Variants in GREB1L observed in about 807,000 individuals in gnomAD.
GREB1L encodes the protein GREB1-like protein.
Under a neutral mutation model 200.8 loss-of-function variants are expected in GREB1L, and 17 were observed. The observed-to-expected ratio is 0.08, with a 90% CI of 0.06 to 0.13. The LOEUF (loss-of-function observed/expected upper bound fraction) is 0.13, where lower values mean the gene tolerates loss of function less well. Among genes scored for constraint, GREB1L ranks in the 10% least tolerant of loss-of-function variants. GREB1L has a pLI of 1.00. For missense variants in GREB1L, 1,657 were observed against 2,367.7 expected, an observed-to-expected ratio of 0.70 and a Z score of 6.23; for synonymous variants, 789 against 893.0, an observed-to-expected ratio of 0.88 and a Z score of 2.08.
rs148633855 is a variant in GREB1L, at chr18:21,406,685, A to T, written c.832+2691A>T. Reference sequence around the variant, plus strand: ...TGTTTTCTCCCTAATCTTAATCTGCAGTCAGTGACTGTCTGTAATCAACAG... The same window carrying T: ...TGTTTTCTCCCTAATCTTAATCTGCTGTCAGTGACTGTCTGTAATCAACAG... On this transcript the variant is annotated intron_variant, in intron 7 of 32. Transcript: ENST00000424526. Among the ~76,000 whole-genome samples, 3 of 152,322 alleles carry T rather than the reference A, an allele frequency of 2.0e-5. No homozygotes were observed. In the East Asian group the frequency reaches 5.8e-4, roughly 29 times the overall value.
At chr18:21,298,795 A>G (rs1449970029) in intron 1 of GREB1L, among the ~76,000 whole-genome samples, 3 of 152,078 alleles carry the variant, frequency 2.0e-5, no homozygotes, top group Non-Finnish European at 4.4e-5. Flanking sequence ...TTAGCTGGGT[A>G]TGGTGGCGCA....
At position 21,524,578 on chromosome 18, in the gene GREB1L, C is replaced by G. The variant is rs2037653514; in HGVS notation, c.*1757C>G. On this transcript the variant is annotated 3_prime_UTR_variant, in exon 33 of 33. Transcript: ENST00000424526. Reference sequence around the variant, plus strand: ...CTAATGCAAATAATACCAAGAAACCCACTGTCTGTGCAATATTCCAATAAC... The same window carrying G: ...CTAATGCAAATAATACCAAGAAACCGACTGTCTGTGCAATATTCCAATAAC... 6.6e-6 allele frequency: 1 copy of G among 152,106 alleles called. No individual in the cohort carries two copies. Among genetic ancestry groups the G allele is most frequent in the Admixed American group, 6.6e-5 (1 of 15,258 alleles). The allele number at this position is 152,106 out of a possible 1,614,324, so 9.4% of individuals were successfully genotyped here. A position where few individuals can be genotyped will look rare whatever the true frequency, so the allele number is the denominator to read the frequency against.
At chr18:21,497,008 G>T (rs769539163) in intron 21 of GREB1L, among the ~76,000 whole-genome samples, 9 of 152,166 alleles carry the variant, frequency 5.9e-5, no homozygotes, top group Non-Finnish European at 1.0e-4. Flanking sequence ...TGGTTATTAT[G>T]CATCTCATAT....
chr18:21,490,361 G>A lies in GREB1L; in HGVS notation c.3030+10G>A, dbSNP rs1279887329. The A allele has an allele frequency of 3.9e-6, 6 of 1,542,432 alleles. No individual in the cohort carries two copies. The highest frequency in any genetic ancestry group is 5.3e-6 in the Non-Finnish European group (6 of 1,139,640). On this transcript the variant is annotated intron_variant, in intron 19 of 32. Coordinates refer to ENST00000424526, the MANE Select transcript of GREB1L (RefSeq NM_001142966.3). ...TGTGGCGCGATTAAAGGTTAGCAATGGACAGACATTTCTCCTTTAAAATAC... is the reference window on the plus strand; with the variant it reads ...TGTGGCGCGATTAAAGGTTAGCAATAGACAGACATTTCTCCTTTAAAATAC...
intron 1 of GREB1L, among the ~76,000 whole-genome samples, chr18:21,315,946 T>TC (rs2038861498): frequency 6.6e-6 from 1 of 151,800 alleles, no homozygotes; most frequent in Non-Finnish European, 1.5e-5. Flanking sequence ...GACCCGACCC[T>TC]CCCCCCTGTG....
intron 17 of GREB1L, among the ~76,000 whole-genome samples, chr18:21,477,854 A>T (rs969578199): frequency 9.2e-5 from 14 of 152,118 alleles, no homozygotes; most frequent in Non-Finnish European, 1.3e-4. Flanking sequence ...TTTAACAATT[A>T]TTATAAGACT....
chr18:21,301,385 C>T (rs2038614981), intron 1 of GREB1L, among the ~76,000 whole-genome samples: 1 of 152,178 alleles, frequency 6.6e-6, no homozygotes, highest in Admixed American at 6.5e-5. Flanking sequence ...CATTTTAGTT[C>T]CTACCAGATT....
intron 15 of GREB1L, among the ~76,000 whole-genome samples, chr18:21,466,711 A>G (rs1282378840): frequency 2.0e-5 from 3 of 152,166 alleles, no homozygotes; most frequent in Non-Finnish European, 4.4e-5. Flanking sequence ...TGCATCCCCT[A>G]CCAAAATCCC....
intron 7 of GREB1L, among the ~76,000 whole-genome samples, chr18:21,426,686 C>T (rs1341220254): frequency 1.3e-5 from 2 of 152,054 alleles, no homozygotes; most frequent in African/African-American, 2.4e-5. Flanking sequence ...TGTCCAGATG[C>T]GGTGGCTCAC....
chr18:21,386,066 TATC>T (rs1173560669), intron 4 of GREB1L, among the ~76,000 whole-genome samples: 2 of 152,180 alleles, frequency 1.3e-5, no homozygotes, highest in South Asian at 2.1e-4. Flanking sequence ...GGAAGGGTAA[TATC>T]ATTTTAAAGA....
At chr18:21,402,899 ATATT>A (rs2041377203) in intron 6 of GREB1L, among the ~76,000 whole-genome samples, 1 of 151,180 alleles carries the variant, frequency 6.6e-6, no homozygotes, top group South Asian at 2.1e-4. Context: ...AGCTGAAATT[ATATT>A]TATTTATATA....
chr18:21,396,384 A>G (rs565588164), intron 5 of GREB1L, among the ~76,000 whole-genome samples: 1 of 152,334 alleles, frequency 6.6e-6, no homozygotes, highest in Non-Finnish European at 1.5e-5. Context: ...TAGCTTAATT[A>G]AATGACTTTT....
At position 21,399,025 on chromosome 18, in the gene GREB1L, G is replaced by GATTCTCTCCTTTGCAGATT. The variant is rs1280190672; in HGVS notation, c.533-2120_533-2102dup. Among the ~76,000 whole-genome samples, 5 of 152,166 alleles carry GATTCTCTCCTTTGCAGATT rather than the reference G, an allele frequency of 3.3e-5. No individual in the cohort carries two copies. In the East Asian group the frequency reaches 9.6e-4, roughly 29 times the overall value. ...GTTGTTAACTCATCATTAATGTGAAGATTCTCTCCTTTGCAGATTATTCAG... is the reference window on the plus strand; with the variant it reads ...GTTGTTAACTCATCATTAATGTGAAGATTCTCTCCTTTGCAGATTATTCTCTCCTTTGCAGATTATTCAG... On this transcript the variant is annotated intron_variant, in intron 5 of 32. Transcript: ENST00000424526.
chr18:21,385,593 G>T (rs2040506483), intron 4 of GREB1L, among the ~76,000 whole-genome samples: 1 of 152,102 alleles, frequency 6.6e-6, no homozygotes, highest in South Asian at 2.1e-4. Flanking sequence ...AATATATATG[G>T]ATTTATTCAT....
chr18:21,518,016 T>A lies in GREB1L; in HGVS notation c.5272-18T>A, dbSNP rs765055202. On this transcript the variant is annotated intron_variant, in intron 30 of 32. Transcript: ENST00000424526. ...GTGACAGACAAGTTTCCCATGATCA[T>A]CTCGCCTCTGATTTCAGGTGTCAGA... 2 of 1,543,324 alleles carry A rather than the reference T, an allele frequency of 1.3e-6. No individual in the cohort carries two copies. The highest frequency in any genetic ancestry group is 4.9e-5 in the East Asian group (2 of 40,890).
At chr18:21,380,852 G>A (rs189533485) in intron 2 of GREB1L, among the ~76,000 whole-genome samples, 1 of 152,272 alleles carries the variant, frequency 6.6e-6, no homozygotes, top group African/African-American at 2.4e-5. Flanking sequence ...TGTAATCCCA[G>A]CACTTTGGGA....
At chr18:21,459,832 G>A (rs1390203572) in intron 15 of GREB1L, among the ~76,000 whole-genome samples, 1 of 152,168 alleles carries the variant, frequency 6.6e-6, no homozygotes, top group African/African-American at 2.4e-5. Context: ...CTGTCCTGAG[G>A]TAGAGGAAAC....
Position 21,447,311 on chromosome 18 carries a change from T to A in GREB1L, c.1394-2199T>A, listed in dbSNP as rs537707413. On this transcript the variant is annotated intron_variant, in intron 11 of 32. Coordinates refer to ENST00000424526, the MANE Select transcript of GREB1L (RefSeq NM_001142966.3). Reference sequence around the variant, plus strand: ...AATTAAAAAAATTTAAAAAAAAAATTTTTTTAAAAGGCTGAGGATGAAAAA... The same window carrying A: ...AATTAAAAAAATTTAAAAAAAAAATATTTTTAAAAGGCTGAGGATGAAAAA... Among the ~76,000 whole-genome samples, 22 of 151,926 alleles carry A rather than the reference T, an allele frequency of 1.4e-4. No individual in the cohort carries two copies. In the Middle Eastern group the frequency reaches 0.014, roughly 94 times the overall value.
intron 1 of GREB1L, among the ~76,000 whole-genome samples, chr18:21,250,709 C>CT (rs1337281993): frequency 6.6e-6 from 1 of 152,178 alleles, no homozygotes; most frequent in South Asian, 2.1e-4. Flanking sequence ...TCAGGGAACT[C>CT]TGAGTCTGTT....
Sources: gnomAD v4.1 joint callset for allele counts (sites outside exome capture counted in the v4.1 genomes callset) on GRCh38, gnomAD v4.1.1 for gene constraint, MANE v1.5 for transcripts, NCBI Gene and HGNC (gene_info 2026-07-23, HGNC 2026-07-21) for gene names.